Variants in GAK observed in about 807,000 individuals in gnomAD.
GAK encodes the protein cyclin-G-associated kinase.
Under a neutral mutation model 143.9 loss-of-function variants are expected in GAK, and 79 were observed. The ratio of observed to expected loss-of-function variants is 0.55; its 90% CI spans 0.46 to 0.66. The LOEUF (loss-of-function observed/expected upper bound fraction) is 0.66. Among genes scored for constraint, GAK ranks in the 30% least tolerant of loss-of-function variants. The pLI is 0.00. For missense variants in GAK, 1,693 were observed against 1,779.7 expected, an observed-to-expected ratio of 0.95 and a Z score of 0.88; for synonymous variants, 881 against 765.5, an observed-to-expected ratio of 1.15 and a Z score of -2.49.
intron 18 of GAK, among the ~76,000 whole-genome samples, chr4:871,180 G>A (rs1056608915): frequency 1.3e-5 from 2 of 152,226 alleles, no homozygotes; most frequent in Non-Finnish European, 2.9e-5. Flanking sequence ...GGGGATGCCC[G>A]CGACTGTGTT....
chr4:893,895 T>A lies in GAK; in HGVS notation c.856A>T (p.Thr286Ser). The A allele has an allele frequency of 1.9e-6, 3 of 1,606,928 alleles. No individual in the cohort carries two copies. Among genetic ancestry groups the A allele is most frequent in the Non-Finnish European group, 2.6e-6 (3 of 1,176,362 alleles). ...YSIPPHDTQY[T>S]VFHSLIRAML... Reference sequence around the variant, plus strand: ...TTACGGATGAGGCTGTGGAAGACCGTGTACTGCGTGTCGTGCGGGGGGATC... The same window carrying A: ...TTACGGATGAGGCTGTGGAAGACCGAGTACTGCGTGTCGTGCGGGGGGATC... Residue 286 changes from threonine (T) to serine (S), a missense_variant, in exon 8 of 28, where the codon ACG (threonine) becomes TCG (serine). Thr to Ser is a moderately conservative substitution (Grantham distance 58). Around this residue, in one of 2 missense-constraint regions of GAK, gnomAD observed 871 missense variants for 991.0 expected, o/e 0.88. Coordinates refer to ENST00000314167, the MANE Select transcript of GAK (RefSeq NM_005255.4).
At position 926,875 on chromosome 4, in the gene GAK, ACCCCC is replaced by A. The variant is rs1179508436; in HGVS notation, c.145+5163_145+5167del. On this transcript the variant is annotated intron_variant, in intron 1 of 27. Coordinates refer to ENST00000314167, the MANE Select transcript of GAK (RefSeq NM_005255.4). Reference sequence around the variant, plus strand: ...CACCTGCGCTCCGCACTGCCCCGCAACCCCCCCCACCCCGCTCACCTGCGCTCCGC... The same window carrying A: ...CACCTGCGCTCCGCACTGCCCCGCAACCCACCCCGCTCACCTGCGCTCCGC... 5.8e-3 allele frequency among the ~76,000 whole-genome samples: 41 copies of A among 7,106 alleles called. 2 individuals are homozygous for A. Among genetic ancestry groups the A allele is most frequent in the Non-Finnish European group, 6.5e-3 (22 of 3,386 alleles). The allele number at this position is 7,106 out of a possible 152,430, so 4.7% of individuals were successfully genotyped here.
chr4:901,431 G>A (rs1699422259), intron 5 of GAK, among the ~76,000 whole-genome samples: 1 of 152,190 alleles, frequency 6.6e-6, no homozygotes, highest in African/African-American at 2.4e-5. Context: ...TAGGGCACAC[G>A]GGGAGAGCTG....
At chr4:911,547 G>A (rs1241537627) in intron 4 of GAK, 126 bp downstream of exon 4, 3 of 652,546 alleles carry the variant, frequency 4.6e-6, no homozygotes, top group East Asian at 2.8e-5. Context: ...CGCGCTTCCC[G>A]CTAAGACCAA....
intron 5 of GAK, among the ~76,000 whole-genome samples, chr4:902,596 C>CAAAAGAAAAAAA (rs1720087967): frequency 3.3e-5 from 2 of 60,730 alleles, no homozygotes; most frequent in Non-Finnish European, 2.7e-5. Context: ...GTGACTGACT[C>CAAAAGAAAAAAA]AAAAAAAAAA....
At position 881,899 on chromosome 4, in the gene GAK, C is replaced by G; in HGVS notation, c.1661+8G>C. 6.3e-7 allele frequency: 1 copy of G among 1,578,388 alleles called. No individual in the cohort carries two copies. The highest frequency in any genetic ancestry group is 1.3e-5 in the African/African-American group (1 of 74,508). On this transcript the variant is annotated splice_region_variant and intron_variant, in intron 15 of 27. Transcript: ENST00000314167. The stretch of plus-strand genomic sequence containing the variant: ...GCTGTCCCCTGTCCCCGGAGGGCCA[C>G]GCAGTACCTTTTGTGGGATGGCCAG...
intron 5 of GAK, among the ~76,000 whole-genome samples, chr4:899,244 G>A (rs771943380): frequency 2.0e-5 from 3 of 152,232 alleles, no homozygotes; most frequent in Non-Finnish European, 2.9e-5. Flanking sequence ...GCCCAGAGGA[G>A]CTCCTTCTGA....
chr4:883,901 C>G, intron 12 of GAK, 136 bp downstream of exon 12: 1 of 862,264 alleles, frequency 1.2e-6, no homozygotes, highest in Non-Finnish European at 1.8e-6. Flanking sequence ...CCAAGGGGCC[C>G]CAGGTCACCC....
At chr4:854,668 G>A (rs1043023485) in intron 24 of GAK, among the ~76,000 whole-genome samples, 1 of 152,166 alleles carries the variant, frequency 6.6e-6, no homozygotes, top group Admixed American at 6.5e-5. Context: ...GTCTGCCATC[G>A]CCGCAATGTT....
chr4:851,070 C>G lies in GAK; in HGVS notation c.3523G>C (p.Val1175Leu). 6 of 1,613,602 alleles carry G rather than the reference C, an allele frequency of 3.7e-6. No homozygotes were observed. The highest frequency in any genetic ancestry group is 4.2e-6 in the Non-Finnish European group (5 of 1,179,724). Reference sequence around the variant, plus strand: ...AGATCTTCAAAGTCGTTCTCAGAGACTTTTGGCTTTTGAGCTAGAAAAGAA... The same window carrying G: ...AGATCTTCAAAGTCGTTCTCAGAGAGTTTTGGCTTTTGAGCTAGAAAAGAA... ...RAPSFAQKPK[V>L]SENDFEDLLS... The change falls in exon 26 of 28, where the codon GTC becomes CTC. Residue 1175 changes from valine (V) to leucine (L), a missense_variant. Coordinates refer to ENST00000314167, the MANE Select transcript of GAK (RefSeq NM_005255.4).
At position 890,512 on chromosome 4, in the gene GAK, G is replaced by A. The variant is rs755703062; in HGVS notation, c.1081+20C>T. On this transcript the variant is annotated intron_variant, in intron 10 of 27. Transcript: ENST00000314167. ...AGCAGGAGCGAGGGACAGGTGGCGG[G>A]CACAGGACAGGGCACTCACCTCCAC... 3.8e-6 allele frequency: 6 copies of A among 1,576,360 alleles called. No individual in the cohort carries two copies. In the South Asian group the frequency reaches 6.8e-5, roughly 18 times the overall value.
intron 20 of GAK, 77 bp downstream of exon 20, chr4:868,462 G>C: frequency 6.6e-7 from 1 of 1,512,992 alleles, no homozygotes. Flanking sequence ...CTCCCAAGAC[G>C]CTTGCCCTGC....
intron 5 of GAK, among the ~76,000 whole-genome samples, chr4:900,157 A>G (rs942537496): frequency 2.6e-5 from 4 of 152,084 alleles, no homozygotes; most frequent in Non-Finnish European, 4.4e-5. Context: ...CAGCCAACAG[A>G]GACGAAGCTG....
intron 15 of GAK, among the ~76,000 whole-genome samples, chr4:880,142 G>C (rs1714795896): frequency 6.6e-6 from 1 of 151,112 alleles, no homozygotes; most frequent in Non-Finnish European, 1.5e-5. Context: ...TCTTTCCATG[G>C]CTCTGACATG....
At chr4:896,791 G>A (rs1718886936) in intron 6 of GAK, among the ~76,000 whole-genome samples, 1 of 152,186 alleles carries the variant, frequency 6.6e-6, no homozygotes, top group South Asian at 2.1e-4. Flanking sequence ...AATCTCCTAC[G>A]GCCTCCCGTG....
chr4:885,357 C>T (rs566327357), intron 11 of GAK, among the ~76,000 whole-genome samples: 1 of 152,328 alleles, frequency 6.6e-6, no homozygotes. Context: ...AGAGAGATCA[C>T]CTGAGGTTGG....
At position 859,733 on chromosome 4, in the gene GAK, G is replaced by A; in HGVS notation, c.3167-11C>T. On this transcript the variant is annotated splice_polypyrimidine_tract_variant and intron_variant, in intron 23 of 27. Coordinates refer to ENST00000314167, the MANE Select transcript of GAK (RefSeq NM_005255.4). ...GAGAGAAGAGGGGGCCTGGAGAAGG[G>A]GCACAGGGCATTAGAACAAGCACCA... The A allele has an allele frequency of 6.4e-7, 1 of 1,561,000 alleles. No homozygotes were observed. The highest frequency in any genetic ancestry group is 8.8e-7 in the Non-Finnish European group (1 of 1,140,598).
intron 1 of GAK, among the ~76,000 whole-genome samples, chr4:914,241 G>GC (rs1188064751): frequency 4.5e-4 from 11 of 24,426 alleles, no homozygotes; most frequent in African/African-American, 1.1e-3. Context: ...AGCGTGCACG[G>GC]CCCCCCCCCA....
intron 26 of GAK, chr4:850,333 C>T: frequency 2.5e-6 from 1 of 401,948 alleles, no homozygotes; most frequent in East Asian, 3.7e-5. Flanking sequence ...AGGACACAAA[C>T]CCTGGTTCTG....
Sources: allele counts gnomAD v4.1 joint callset (sites outside exome capture counted in the v4.1 genomes callset), GRCh38; gene constraint gnomAD v4.1.1; regional missense constraint gnomAD v4.1.1; transcripts MANE v1.5; gene names NCBI Gene and HGNC (gene_info 2026-07-23, HGNC 2026-07-21).